The following ATP7A variants were observed in gnomAD, a reference collection of about 807,000 sequenced individuals.
The protein encoded by ATP7A is ATPase copper transporting alpha.
Under a neutral mutation model 83.5 loss-of-function variants are expected in ATP7A, and 7 were observed. The observed-to-expected ratio is 0.08, with a 90% CI of 0.05 to 0.16. The LOEUF (loss-of-function observed/expected upper bound fraction) is 0.16, where lower values mean the gene tolerates loss of function less well. Among genes scored for constraint, ATP7A ranks in the 10% least tolerant of loss-of-function variants. The pLI, the probability that ATP7A is intolerant of heterozygous loss-of-function variation, is 1.00. For synonymous variants in ATP7A, 354 were observed against 395.2 expected, an observed-to-expected ratio of 0.90 and a Z score of 1.24; for missense variants, 940 against 1,120.8, an observed-to-expected ratio of 0.84 and a Z score of 2.30.
intron 5 of ATP7A, among the ~76,000 whole-genome samples, chrX:77,999,620 A>G (rs1557232927): frequency 9.0e-6 from 1 of 111,389 alleles, no homozygotes; most frequent in African/African-American, 3.3e-5. Flanking sequence ...ATATGTGATG[A>G]TGGCCAGGCA....
At chrX:78,007,043 A>G (rs1308099160) in intron 6 of ATP7A, among the ~76,000 whole-genome samples, 1 of 112,037 alleles carries the variant, frequency 8.9e-6, no homozygotes, top group African/African-American at 3.2e-5. Flanking sequence ...GGAATTACTA[A>G]GTCATCTAGT....
chrX:77,930,630 C>T (rs1287396387), intron 1 of ATP7A, among the ~76,000 whole-genome samples: 1 of 112,071 alleles, frequency 8.9e-6, no homozygotes, highest in Non-Finnish European at 1.9e-5. Flanking sequence ...TCAGACTTAA[C>T]TACTTACCAG....
In ATP7A at chrX:77,971,143, G is replaced by T. The variant is rs187090834; in HGVS notation, c.-21-478G>T. Among the ~76,000 whole-genome samples, 19 of 112,075 alleles carry T rather than the reference G, an allele frequency of 1.7e-4. No homozygotes were observed. In the East Asian group the frequency reaches 5.3e-3, roughly 31 times the overall value. On this transcript the variant is annotated intron_variant, in intron 1 of 22. Coordinates refer to ENST00000341514, the MANE Select transcript of ATP7A (RefSeq NM_000052.7). Reference sequence around the variant, plus strand: ...TGCATGCGTAACAGCCAGGAGGCCAGTATGACTGGCACAGAGAAGGGTTTG... The same window carrying T: ...TGCATGCGTAACAGCCAGGAGGCCATTATGACTGGCACAGAGAAGGGTTTG...
At position 77,989,563 on chromosome X, in the gene ATP7A, A is replaced by G. The variant is rs1064797375; in HGVS notation, c.941A>G (p.Asn314Ser). The part of the protein sequence containing the change: ...YVSSIVVSLE[N>S]RSAIVKYNAS... The stretch of plus-strand genomic sequence containing the variant: ...AGCAGCATAGTAGTTTCTTTAGAGA[A>G]TAGGTCTGCCATTGTGAAGTATAAT... The change falls in exon 4 of 23, where the codon AAT becomes AGT. Residue 314 changes from asparagine to serine, a missense_variant. Asn to Ser is a conservative substitution (Grantham distance 46). This residue lies in a region of ATP7A where 350 missense variants were observed against 432.8 expected (regional missense o/e 0.81). Coordinates refer to ENST00000341514, the MANE Select transcript of ATP7A (RefSeq NM_000052.7). The G allele has an allele frequency of 8.3e-7, 1 of 1,211,817 alleles. No homozygotes were observed.
In ATP7A at chrX:77,922,075, G is replaced by A. The variant is rs186433656; in HGVS notation, c.-22+11240G>A. On this transcript the variant is annotated intron_variant, in intron 1 of 22. Coordinates refer to ENST00000341514, the MANE Select transcript of ATP7A (RefSeq NM_000052.7). ...CTCTCAAAGTGCTGGGATTACAGGC[G>A]TGAGTCACTGTGCTCGGTCAAAAGT... Among the ~76,000 whole-genome samples the A allele has an allele frequency of 9.9e-5, 11 of 110,625 alleles. 1 individual carries two copies. Among genetic ancestry groups the A allele is most frequent in the Admixed American group, 7.7e-4 (8 of 10,371 alleles).
chrX:77,913,520 T>C lies in ATP7A; in HGVS notation c.-22+2685T>C, dbSNP rs149130240. ...TCCCTCTTAAATCTCAGTCTTCAGG[T>C]TGATTTAATGTGATATTACTTGCTT... On this transcript the variant is annotated intron_variant, in intron 1 of 22. Transcript: ENST00000341514. 8.1e-3 allele frequency among the ~76,000 whole-genome samples: 911 copies of C among 112,061 alleles called. 13 individuals are homozygous for C. Among genetic ancestry groups the C allele is most frequent in the African/African-American group, 0.028 (873 of 30,854 alleles).
intron 1 of ATP7A, among the ~76,000 whole-genome samples, chrX:77,916,077 C>T (rs910264133): frequency 3.6e-5 from 4 of 110,148 alleles, no homozygotes; most frequent in African/African-American, 6.6e-5. Context: ...GAAAATTGGC[C>T]GGTGCGGTGG....
At chrX:78,014,852 AATCTG>A in intron 11 of ATP7A, 99 bp downstream of exon 11, 1 of 610,821 alleles carries the variant, frequency 1.6e-6, no homozygotes. Flanking sequence ...GAATTCACAT[AATCTG>A]TCTCCCAGAT....
intron 2 of ATP7A, among the ~76,000 whole-genome samples, chrX:77,976,932 C>A (rs2077579612): frequency 9.0e-6 from 1 of 110,943 alleles, no homozygotes; most frequent in Admixed American, 9.7e-5. Flanking sequence ...CTTAGAGGCT[C>A]CCACATTGCT....
intron 6 of ATP7A, among the ~76,000 whole-genome samples, chrX:78,008,537 CAGCGGGA>C (rs370873069): frequency 6.4e-4 from 71 of 110,874 alleles, no homozygotes; most frequent in African/African-American, 2.3e-3. Flanking sequence ...AAAAAAAATC[CAGCGGGA>C]AGCAAGACTG....
intron 1 of ATP7A, among the ~76,000 whole-genome samples, chrX:77,966,313 A>G (rs1557228733): frequency 8.9e-6 from 1 of 112,329 alleles, no homozygotes; most frequent in African/African-American, 3.2e-5. Context: ...AACTCTTAGA[A>G]GAAAACATAG....
chrX:78,016,893 G>A (rs1424135941), intron 12 of ATP7A, among the ~76,000 whole-genome samples: 1 of 112,206 alleles, frequency 8.9e-6, no homozygotes, highest in East Asian at 2.8e-4. Flanking sequence ...TAGGTATACA[G>A]TACAAGCTGT....
rs72628500 is a variant in ATP7A at position 78,009,685 on chromosome X, T to C, written c.1869+422T>C. ...TTAAAAGACTAAACCCAGCTGGACA[T>C]AGTGGCTCATGCCTATAATCTCAGC... On this transcript the variant is annotated intron_variant, in intron 7 of 22. Transcript: ENST00000341514. 1.2e-4 allele frequency among the ~76,000 whole-genome samples: 13 copies of C among 112,184 alleles called. 1 individual carries two copies. In the East Asian group the frequency reaches 3.1e-3, roughly 27 times the overall value.
intron 4 of ATP7A, 68 bp downstream of exon 4, chrX:77,990,026 T>A: frequency 8.5e-7 from 1 of 1,179,688 alleles, no homozygotes; most frequent in Non-Finnish European, 1.1e-6. Context: ...TCTTTTGGCA[T>A]TTATCAATGA....
intron 1 of ATP7A, among the ~76,000 whole-genome samples, chrX:77,961,120 C>T (rs1261632141): frequency 9.0e-6 from 1 of 110,585 alleles, no homozygotes; most frequent in Non-Finnish European, 1.9e-5. Flanking sequence ...AGGTGAATTA[C>T]GAAAGCGAAA....
chrX:77,969,075 G>C, intron 1 of ATP7A: 1 of 1,211,881 alleles, frequency 8.3e-7, no homozygotes, highest in Non-Finnish European at 1.1e-6. Context: ...CCTGGAGGCT[G>C]TTGCCATGGG....
At chrX:77,929,191 T>C (rs2077258951) in intron 1 of ATP7A, among the ~76,000 whole-genome samples, 1 of 112,075 alleles carries the variant, frequency 8.9e-6, no homozygotes, top group Non-Finnish European at 1.9e-5. Flanking sequence ...ACATTCAGGC[T>C]GACATTCTGC....
At chrX:77,945,420 T>G (rs1269835453) in intron 1 of ATP7A, among the ~76,000 whole-genome samples, 3 of 111,877 alleles carry the variant, frequency 2.7e-5, no homozygotes, top group Non-Finnish European at 3.8e-5. Context: ...ACTCAAGCGA[T>G]CTGCCCACTT....
chrX:78,042,449 C>T, intron 19 of ATP7A, 136 bp from the exon 20 acceptor site: 1 of 648,498 alleles, frequency 1.5e-6, no homozygotes. Context: ...TCTCCACATC[C>T]TTGCTATCAC....
Sources: gnomAD v4.1 joint callset for allele counts (sites outside exome capture counted in the v4.1 genomes callset) on GRCh38, gnomAD v4.1.1 for gene constraint, gnomAD v4.1.1 regional missense constraint, MANE v1.5 for transcripts, NCBI Gene and HGNC (gene_info 2026-07-23, HGNC 2026-07-21) for gene names.